PCID2: variants seen among roughly 807,000 people sequenced by gnomAD.
The protein encoded by PCID2 is PCI domain-containing protein 2.
Under a neutral mutation model 61.3 loss-of-function variants are expected in PCID2, and 41 were observed. That is an observed-to-expected ratio of 0.67 (90% confidence interval 0.52 to 0.87). The LOEUF (loss-of-function observed/expected upper bound fraction) is 0.87. Ranked by LOEUF, PCID2 falls within the 40% of genes least tolerant of loss-of-function variation. The pLI is 0.00. For missense variants in PCID2, 392 were observed against 493.4 expected, an observed-to-expected ratio of 0.79 and a Z score of 1.95; for synonymous variants, 187 against 177.8, an observed-to-expected ratio of 1.05 and a Z score of -0.41.
chr13:113,177,016 T>A (rs1336264728), downstream of PCID2, among the ~76,000 whole-genome samples: 1 of 152,192 alleles, frequency 6.6e-6, no homozygotes, highest in Non-Finnish European at 1.5e-5. Context: ...ACTGTCAACC[T>A]CGCCGTGGTG....
intron 1 of PCID2, chr13:113,208,159 C>G: frequency 6.3e-7 from 1 of 1,595,388 alleles, no homozygotes; most frequent in African/African-American, 1.3e-5. Context: ...CACAGCCTCG[C>G]GCTTACTCCT....
In PCID2 at chr13:113,178,082, G is replaced by C; in HGVS notation, c.*116C>G. The C allele has an allele frequency of 3.2e-6, 2 of 622,822 alleles. No homozygotes were observed. Among genetic ancestry groups the C allele is most frequent in the South Asian group, 4.2e-5 (2 of 48,128 alleles). The allele number at this position is 622,822 out of a possible 1,614,324, so 38.6% of individuals were successfully genotyped here. A position where few individuals can be genotyped will look rare whatever the true frequency, so the allele number is the denominator to read the frequency against. ...CTCAGCCTCAGCATCCCTGGGAAAA[G>C]CGCCTCCAAGAGTTCCGGCTTCAGG... is the stretch of plus-strand genomic sequence containing the variant. On this transcript the variant is annotated 3_prime_UTR_variant, in exon 14 of 14. Coordinates refer to ENST00000337344, the MANE Select transcript of PCID2 (RefSeq NM_001127202.4).
intron 6 of PCID2, among the ~76,000 whole-genome samples, chr13:113,193,643 T>C (rs566814484): frequency 6.6e-6 from 1 of 152,228 alleles, no homozygotes; most frequent in Non-Finnish European, 1.5e-5. Context: ...AAATCTTTTC[T>C]AATTAAAATT....
the PCID2 span, among the ~76,000 whole-genome samples, chr13:113,171,406 A>G: frequency 6.6e-6 from 1 of 152,138 alleles, no homozygotes; most frequent in Non-Finnish European, 1.5e-5. This position sits in a 1 kb window ranked among gnomAD's most constrained non-coding sequence, Gnocchi z 5.1. Context: ...CTTGGTTGCA[A>G]TCGTGCAATC....
At chr13:113,197,885 C>T (rs994859861) in intron 3 of PCID2, among the ~76,000 whole-genome samples, 6 of 152,270 alleles carry the variant, frequency 3.9e-5, no homozygotes, top group South Asian at 4.1e-4. Context: ...TTCCCAGTAA[C>T]GTAAAGAGCT....
At chr13:113,185,194 A>T (rs920617178) in intron 8 of PCID2, among the ~76,000 whole-genome samples, 3 of 152,194 alleles carry the variant, frequency 2.0e-5, no homozygotes, top group Non-Finnish European at 2.9e-5. Context: ...TGAAAGCCCA[A>T]TTCCACCACA....
chr13:113,202,257 A>G (rs534578424), intron 1 of PCID2, among the ~76,000 whole-genome samples: 1 of 152,256 alleles, frequency 6.6e-6, no homozygotes, highest in South Asian at 2.1e-4. Flanking sequence ...AACTCCTACT[A>G]CCCCATTGTT....
intron 9 of PCID2, among the ~76,000 whole-genome samples, chr13:113,181,655 A>G (rs1170395019): frequency 6.6e-6 from 1 of 152,252 alleles, no homozygotes; most frequent in Non-Finnish European, 1.5e-5. Context: ...ATAACTTAGT[A>G]AAACACCATC....
chr13:113,179,684 T>C lies in PCID2; in HGVS notation c.986+233A>G, dbSNP rs149131570. Among the ~76,000 whole-genome samples, 90 of 152,298 alleles carry C rather than the reference T, an allele frequency of 5.9e-4. No homozygotes were observed. Among genetic ancestry groups the C allele is most frequent in the African/African-American group, 2.1e-3 (88 of 41,564 alleles). On this transcript the variant is annotated intron_variant, in intron 12 of 13. Transcript: ENST00000337344. The surrounding 1 kb of genome is among the most constrained non-coding windows in gnomAD (Gnocchi z 4.3). ...GATGTTCTCAAGTTGTCTTCTCACATAGAACCTGCTTACCTCCCCCACAAG... is the reference window on the plus strand; with the variant it reads ...GATGTTCTCAAGTTGTCTTCTCACACAGAACCTGCTTACCTCCCCCACAAG...
chr13:113,207,609 T>C (rs1033233437), intron 1 of PCID2, among the ~76,000 whole-genome samples: 1 of 152,190 alleles, frequency 6.6e-6, no homozygotes, highest in Non-Finnish European at 1.5e-5. Flanking sequence ...AAAACATACA[T>C]CCATTTCTTC....
intron 6 of PCID2, among the ~76,000 whole-genome samples, chr13:113,191,204 C>CTT (rs11375563): frequency 6.7e-4 from 99 of 147,464 alleles, no homozygotes; most frequent in African/African-American, 2.4e-3. Flanking sequence ...ATATTTTTTT[C>CTT]TTTTTTTTTT....
intron 6 of PCID2, among the ~76,000 whole-genome samples, chr13:113,191,512 A>G (rs760916281): frequency 2.0e-4 from 30 of 152,268 alleles, no homozygotes; most frequent in Non-Finnish European, 3.4e-4. Flanking sequence ...TCAGTCACCA[A>G]TTTTTCAAAC....
At chr13:113,177,222 T>A (rs746154385), downstream of PCID2, among the ~76,000 whole-genome samples, 37 of 152,068 alleles carry the variant, frequency 2.4e-4, no homozygotes, top group Admixed American at 2.6e-4. Context: ...ACTGCAACCT[T>A]TGCCTCCCGG....
intron 2 of PCID2, 141 bp downstream of exon 2, chr13:113,200,286 T>C (rs3751412): frequency 0.97 from 593,225 of 610,146 alleles, 289,242 homozygotes; most frequent in Non-Finnish European, 1. Context: ...TGAAATTACA[T>C]AAATCATAAA....
At chr13:113,171,571 C>A in the PCID2 span, 4 of 1,613,992 alleles carry the variant, frequency 2.5e-6, no homozygotes, top group Non-Finnish European at 3.4e-6. The surrounding 1 kb of genome is among the most constrained non-coding windows in gnomAD (Gnocchi z 5.1). Flanking sequence ...CTGTAAAGAA[C>A]TGACGATTGT....
chr13:113,200,357 C>A (rs372514941), intron 2 of PCID2, 70 bp downstream of exon 2: 30 of 882,722 alleles, frequency 3.4e-5, no homozygotes, highest in East Asian at 3.4e-4. Context: ...TCAAACTCTA[C>A]GCTTCTCTTA....
At chr13:113,174,008 C>T (rs1595133106), downstream of PCID2, among the ~76,000 whole-genome samples, 2 of 151,726 alleles carry the variant, frequency 1.3e-5, no homozygotes, top group South Asian at 4.2e-4. Context: ...GCGGGCGGAT[C>T]ACGAGGTCAG....
chr13:113,208,361 C>A, intron 1 of PCID2: 1 of 1,433,244 alleles, frequency 7.0e-7, no homozygotes, highest in Non-Finnish European at 9.1e-7. Flanking sequence ...ACCGCGACGA[C>A]TCCGCGATCC....
chr13:113,206,178 A>C (rs941692203), intron 1 of PCID2, among the ~76,000 whole-genome samples: 2 of 152,222 alleles, frequency 1.3e-5, no homozygotes, highest in South Asian at 2.1e-4. Context: ...AAATGCATTT[A>C]CTGTGAATTC....
Sources: gnomAD v4.1 joint callset for allele counts (sites outside exome capture counted in the v4.1 genomes callset) on GRCh38, gnomAD v4.1.1 for gene constraint, Gnocchi (gnomAD v3.1) non-coding constraint, MANE v1.5 for transcripts, NCBI Gene and HGNC (gene_info 2026-07-23, HGNC 2026-07-21) for gene names.